The following ACSL4 variants were observed in gnomAD, a reference collection of about 807,000 sequenced individuals.
ACSL4 encodes long-chain-fatty-acid--CoA ligase 4.
A neutral mutation model predicts 49.1 loss-of-function variants in ACSL4; 9 were observed. That is an observed-to-expected ratio of 0.18 (90% CI 0.11 to 0.32). The LOEUF (loss-of-function observed/expected upper bound fraction) is 0.32. ACSL4 is among the 10% of genes least tolerant of loss of function. The pLI is 1.00. For missense variants in ACSL4, 333 were observed against 493.7 expected, an observed-to-expected ratio of 0.67 and a Z score of 3.08; for synonymous variants, 191 against 170.3, an observed-to-expected ratio of 1.12 and a Z score of -0.95.
intron 9 of ACSL4, among the ~76,000 whole-genome samples, chrX:109,670,032 G>A (rs1171957944): frequency 1.8e-5 from 2 of 111,029 alleles, no homozygotes; most frequent in Non-Finnish European, 3.8e-5. Flanking sequence ...CCGACTCTAA[G>A]GTTAATACAA....
At chrX:109,660,156 C>T in intron 14 of ACSL4, among the ~76,000 whole-genome samples, 2 of 106,032 alleles carry the variant, frequency 1.9e-5, no homozygotes, top group Admixed American at 2.0e-4. Flanking sequence ...AAAAGGCAAT[C>T]TATGGAATAG....
rs756152939 is a variant in ACSL4, at chrX:109,713,286, C to T, written c.-65-17090G>A. On this transcript the variant is annotated intron_variant, in intron 1 of 15. Transcript: ENST00000672401. ...TGAAAACTCAGAAGTCTATCTCTAC[C>T]GTACTGACACACAGATGCAAGTCAC... is the stretch of plus-strand genomic sequence containing the variant. Among the ~76,000 whole-genome samples, 15 of 111,883 alleles carry T rather than the reference C, an allele frequency of 1.3e-4. 3 individuals carry two copies. The South Asian group carries it at 1.5e-3, about 11-fold the overall frequency.
chrX:109,643,873 G>A lies in ACSL4; in HGVS notation c.*156C>T. 1 of 628,386 alleles carries A rather than the reference G, an allele frequency of 1.6e-6. No homozygotes were observed. Among genetic ancestry groups the A allele is most frequent in the South Asian group, 2.6e-5 (1 of 38,002 alleles). The allele number at this position is 628,386 out of a possible 1,213,427, so 51.8% of individuals were successfully genotyped here. A position where few individuals can be genotyped will look rare whatever the true frequency, so the allele number is the denominator to read the frequency against. On this transcript the variant is annotated 3_prime_UTR_variant, in exon 16 of 16. Transcript: ENST00000672401. ...TGCAAAACTAAGTTAAAGTAAACCG[G>A]ACAACAATTTTAATAACTTTTGGTT... is the stretch of plus-strand genomic sequence containing the variant.
chrX:109,663,119 C>T, intron 13 of ACSL4, 92 bp downstream of exon 13: 1 of 820,373 alleles, frequency 1.2e-6, no homozygotes, highest in Non-Finnish European at 1.7e-6. Flanking sequence ...CTAATGGAAC[C>T]ATCAACTTTA....
intron 12 of ACSL4, 42 bp downstream of exon 12, chrX:109,665,378 C>T (rs1251534130): frequency 2.7e-6 from 3 of 1,096,251 alleles, no homozygotes; most frequent in Non-Finnish European, 3.8e-6. Flanking sequence ...CAGTAGTTTT[C>T]AGCATATCTT....
intron 2 of ACSL4, among the ~76,000 whole-genome samples, chrX:109,683,896 G>A (rs1008080488): frequency 9.0e-6 from 1 of 111,708 alleles, no homozygotes; most frequent in Non-Finnish European, 1.9e-5. Flanking sequence ...ATCAACTTCT[G>A]AATTTATTTT....
At chrX:109,727,790 G>A (rs1028137509) in intron 1 of ACSL4, among the ~76,000 whole-genome samples, 1 of 109,780 alleles carries the variant, frequency 9.1e-6, no homozygotes, top group Non-Finnish European at 1.9e-5. Context: ...TTGGCTTCAC[G>A]GGACATAAGG....
chrX:109,658,807 T>C (rs184023255), intron 15 of ACSL4, among the ~76,000 whole-genome samples: 3 of 111,803 alleles, frequency 2.7e-5, no homozygotes, highest in Admixed American at 1.9e-4. Context: ...GCTGTTAAGA[T>C]TGTTGTCTCT....
intron 8 of ACSL4, 71 bp downstream of exon 8, chrX:109,677,917 C>T (rs1384833084): frequency 8.5e-7 from 1 of 1,180,717 alleles, no homozygotes; most frequent in Non-Finnish European, 1.2e-6. Context: ...TATCTCGAGT[C>T]CTAGTAATAT....
intron 2 of ACSL4, among the ~76,000 whole-genome samples, chrX:109,690,858 A>G (rs923031730): frequency 5.4e-5 from 6 of 110,967 alleles, no homozygotes; most frequent in African/African-American, 1.3e-4. Context: ...GTGAGATTTA[A>G]TAAGTATTTC....
intron 1 of ACSL4, among the ~76,000 whole-genome samples, chrX:109,724,324 G>A (rs1927796823): frequency 9.0e-6 from 1 of 111,034 alleles, no homozygotes. Flanking sequence ...GCCCAGGCTG[G>A]AATGCAGTGG....
chrX:109,689,877 TG>T (rs1029354929), intron 2 of ACSL4, among the ~76,000 whole-genome samples: 2 of 112,321 alleles, frequency 1.8e-5, no homozygotes, highest in Non-Finnish European at 3.8e-5. Context: ...GCTGAATCTG[TG>T]ACTGGAACAG....
At chrX:109,705,866 T>C (rs1188347770) in intron 1 of ACSL4, among the ~76,000 whole-genome samples, 3 of 112,139 alleles carry the variant, frequency 2.7e-5, no homozygotes, top group Non-Finnish European at 5.6e-5. Context: ...CCTGGCTAAT[T>C]TTGTATTTTT....
Position 109,682,846 on chromosome X carries a change from T to C in ACSL4, c.279A>G (p.Arg93=), listed in dbSNP as rs765770122. 4 of 1,211,665 alleles carry C rather than the reference T, an allele frequency of 3.3e-6. No homozygotes were observed. The highest frequency in any genetic ancestry group is 3.5e-5 in the South Asian group (2 of 56,986). Residue 93 remains arginine, a synonymous_variant, in exon 4 of 16, where the codon AGA becomes AGG. Coordinates refer to ENST00000672401, the MANE Select transcript of ACSL4 (RefSeq NM_001318510.2). Reference sequence around the variant, plus strand: ...TGAGTCCACTACCAAAGTTATTCACTCTGCGATTCACTTCAAGATAGTTCA... The same window carrying C: ...TGAGTCCACTACCAAAGTTATTCACCCTGCGATTCACTTCAAGATAGTTCA... ...KWMNYLEVNR[R]VNNFGSGLTA... is the part of the protein sequence containing the mutation.
chrX:109,722,436 C>T (rs756109423), intron 1 of ACSL4, among the ~76,000 whole-genome samples: 72 of 111,986 alleles, frequency 6.4e-4, no homozygotes, highest in Non-Finnish European at 1.2e-3. Context: ...CACACCTCTA[C>T]CAAAAACTAG....
intron 1 of ACSL4, among the ~76,000 whole-genome samples, chrX:109,712,598 C>T (rs1465797646): frequency 1.8e-5 from 2 of 111,786 alleles, no homozygotes; most frequent in East Asian, 2.8e-4. Flanking sequence ...ATCAGCTGGC[C>T]GAAATGAAGC....
At chrX:109,704,473 A>T (rs1476142701) in intron 1 of ACSL4, among the ~76,000 whole-genome samples, 1 of 111,805 alleles carries the variant, frequency 8.9e-6, no homozygotes, top group Non-Finnish European at 1.9e-5. Context: ...GAAGATATAT[A>T]AATACGATGT....
At chrX:109,689,607 C>G (rs1924887557) in intron 2 of ACSL4, among the ~76,000 whole-genome samples, 1 of 112,140 alleles carries the variant, frequency 8.9e-6, no homozygotes, top group African/African-American at 3.2e-5. Flanking sequence ...TTCTCTCTGC[C>G]TGGAATGTTC....
intron 1 of ACSL4, among the ~76,000 whole-genome samples, chrX:109,700,627 A>T (rs1022338489): frequency 8.9e-6 from 1 of 111,791 alleles, no homozygotes; most frequent in South Asian, 3.7e-4. Flanking sequence ...GTAAATATTA[A>T]AACATATTAA....
Sources: gnomAD v4.1 joint callset for allele counts (sites outside exome capture counted in the v4.1 genomes callset) on GRCh38, gnomAD v4.1.1 for gene constraint, MANE v1.5 for transcripts, NCBI Gene and HGNC (gene_info 2026-07-23, HGNC 2026-07-21) for gene names.